FANCA: variants seen among roughly 807,000 people sequenced by gnomAD.
FANCA encodes the protein Fanconi anemia group A protein.
A neutral mutation model predicts 194.3 loss-of-function variants in FANCA; 236 were observed. The observed-to-expected ratio is 1.21, with a 90% CI of 1.09 to 1.35. The LOEUF is 1.35. Ranked by LOEUF, FANCA falls within the 40% of genes most tolerant of loss-of-function variation. The pLI is 0.00. For synonymous variants in FANCA, 1,014 were observed against 715.8 expected (o/e 1.42, Z -6.65); for missense variants, 2,628 against 1,813.9 (o/e 1.45, Z -8.15).
In FANCA at chr16:89,752,241, A is replaced by C; in HGVS notation, c.2982-19T>G. The C allele has an allele frequency of 6.2e-7, 1 of 1,603,354 alleles. No individual in the cohort carries two copies. Among genetic ancestry groups the C allele is most frequent in the Non-Finnish European group, 8.5e-7 (1 of 1,170,528 alleles). On this transcript the variant is annotated intron_variant, in intron 30 of 42. Coordinates refer to ENST00000389301, the MANE Select transcript of FANCA (RefSeq NM_000135.4). ...CCTTGAGCTGAAATGAAAATACAAT[A>C]AAATCCTCCTCAGTATCGCCTAATA...
At chr16:89,781,699 G>C (rs1291171102) in intron 17 of FANCA, among the ~76,000 whole-genome samples, 1 of 132,504 alleles carries the variant, frequency 7.5e-6, no homozygotes, top group Non-Finnish European at 1.6e-5. Flanking sequence ...AAAGTAAAAA[G>C]TAAAGAATGT....
At position 89,776,159 on chromosome 16, in the gene FANCA, CTT is replaced by C. The variant is rs3069458; in HGVS notation, c.1827-346_1827-345del. 3.9e-4 allele frequency among the ~76,000 whole-genome samples: 36 copies of C among 93,274 alleles called. 2 individuals are homozygous for C. The highest frequency in any genetic ancestry group is 6.5e-4 in the Non-Finnish European group (29 of 44,926). The allele number at this position is 93,274 out of a possible 152,430, so 61.2% of individuals were successfully genotyped here. On this transcript the variant is annotated intron_variant, in intron 20 of 42. Transcript: ENST00000389301. The stretch of plus-strand genomic sequence containing the variant: ...ATTCAAAACACGAATCTTTGTTTTT[CTT>C]TTTTTTTTTTTTTTTTTTTTTTTTG...
At chr16:89,804,051 A>C (rs2040549924) in intron 7 of FANCA, among the ~76,000 whole-genome samples, 1 of 152,166 alleles carries the variant, frequency 6.6e-6, no homozygotes, top group African/African-American at 2.4e-5. Flanking sequence ...TGGGGGAGGA[A>C]AGGCATTCTT....
At chr16:89,816,106 G>A in intron 1 of FANCA, 120 bp from the exon 2 acceptor site, 1 of 764,370 alleles carries the variant, frequency 1.3e-6, no homozygotes, top group Non-Finnish European at 2.3e-6. Flanking sequence ...AAGAGGGGCC[G>A]GGGCTCCTCC....
intron 20 of FANCA, among the ~76,000 whole-genome samples, chr16:89,777,036 T>C (rs1037570049): frequency 1.5e-4 from 23 of 151,720 alleles, no homozygotes; most frequent in Admixed American, 4.6e-4. Flanking sequence ...ACAGCGAAAA[T>C]CCGTGTCCTC....
chr16:89,767,626 G>A (rs1266525276), intron 26 of FANCA, among the ~76,000 whole-genome samples: 2 of 152,108 alleles, frequency 1.3e-5, no homozygotes, highest in Non-Finnish European at 2.9e-5. Flanking sequence ...TCGGCTCACT[G>A]CACCCTCCAC....
At chr16:89,792,113 T>C (rs1204561510) in intron 12 of FANCA, 45 bp from the exon 13 acceptor site, 5 of 1,613,306 alleles carry the variant, frequency 3.1e-6, no homozygotes, top group South Asian at 1.1e-5. Flanking sequence ...AGCAAACCAA[T>C]GTGCGACAGA....
intron 36 of FANCA, among the ~76,000 whole-genome samples, chr16:89,743,290 G>C (rs1051231213): frequency 7.9e-5 from 12 of 152,222 alleles, no homozygotes; most frequent in Non-Finnish European, 1.8e-4. Context: ...CTGTGGATCA[G>C]GCATTCCCTC....
At position 89,815,924 on chromosome 16, in the gene FANCA, C is replaced by A; in HGVS notation, c.142G>T (p.Val48Leu). 1 of 1,614,164 alleles carries A rather than the reference C, an allele frequency of 6.2e-7. No individual in the cohort carries two copies. Residue 48 changes from valine to leucine, a missense_variant, in exon 2 of 43, where the codon GTG becomes TTG. Physicochemically the swap from Val to Leu is conservative, Grantham distance 32. Transcript: ENST00000389301. ...TCCTGATGGCTTCGCAGGAGGCGCA[C>A]AGCTGATTCCTTTAATTTCTGTGCC... ...ERAQKLKESA[V>L]RLLRSHQDLN...
At chr16:89,775,958 C>CA (rs1384755406) in intron 20 of FANCA, 143 bp from the exon 21 acceptor site, 18 of 410,292 alleles carry the variant, frequency 4.4e-5, no homozygotes, top group East Asian at 2.6e-4. Context: ...CCTGTTTTTA[C>CA]AAAAAAATAT....
At chr16:89,802,900 G>A (rs990327147) in intron 8 of FANCA, among the ~76,000 whole-genome samples, 1 of 152,226 alleles carries the variant, frequency 6.6e-6, no homozygotes, top group African/African-American at 2.4e-5. Flanking sequence ...AAGGGTATAT[G>A]CAGTGGGGGA....
intron 5 of FANCA, among the ~76,000 whole-genome samples, chr16:89,809,740 C>A (rs2143668579): frequency 6.6e-6 from 1 of 152,144 alleles, no homozygotes; most frequent in East Asian, 1.9e-4. Flanking sequence ...GTAATCCCAG[C>A]TACTCGGGAG....
intron 17 of FANCA, 47 bp from the exon 18 acceptor site, chr16:89,780,004 A>T: frequency 6.4e-7 from 1 of 1,550,760 alleles, no homozygotes; most frequent in Non-Finnish European, 8.9e-7. Context: ...AGGACTTTAA[A>T]GAAAAGACTG....
In FANCA at chr16:89,752,063, C is replaced by T. The variant is rs542605291; in HGVS notation, c.3066+75G>A. The T allele has an allele frequency of 6.9e-5, 93 of 1,357,524 alleles. No homozygotes were observed. The African/African-American group carries it at 7.1e-4, about 10-fold the overall frequency. 84.1% of individuals were successfully genotyped at this position (1,357,524 alleles called of 1,614,324 possible). On this transcript the variant is annotated intron_variant, in intron 31 of 42. Transcript: ENST00000389301. ...GGGATTACAGGCGTGAGCCACCGCG[C>T]CTGGCAATAAATATCTTAATAGCAC... is the stretch of plus-strand genomic sequence containing the variant.
chr16:89,737,897 G>A lies in FANCA; in HGVS notation c.*704C>T, dbSNP rs543022451. The A allele has an allele frequency of 6.8e-6, 11 of 1,608,592 alleles. No individual in the cohort carries two copies. In the East Asian group the frequency reaches 2.0e-4, roughly 30 times the overall value. ...ACCAAATGCGACATTCGGGAGCCAA[G>A]CCTTTGCAGTAAGTGTGAGTCAGGA... On this transcript the variant is annotated 3_prime_UTR_variant, in exon 43 of 43. Transcript: ENST00000389301.
At chr16:89,814,638 C>T in intron 2 of FANCA, 25 bp from the exon 3 acceptor site, 1 of 1,575,294 alleles carries the variant, frequency 6.3e-7, no homozygotes, top group Non-Finnish European at 8.7e-7. Flanking sequence ...ACAACAAACT[C>T]CATTTAAAAA....
intron 30 of FANCA, among the ~76,000 whole-genome samples, chr16:89,756,358 G>A (rs553637502): frequency 2.0e-5 from 3 of 152,350 alleles, no homozygotes; most frequent in African/African-American, 7.2e-5. Flanking sequence ...AGGCCTGGCA[G>A]AGGTTCACGC....
intron 6 of FANCA, among the ~76,000 whole-genome samples, chr16:89,806,984 T>TC (rs1028945513): frequency 1.3e-5 from 2 of 151,834 alleles, no homozygotes; most frequent in African/African-American, 4.8e-5. Flanking sequence ...GGGGGCTGAC[T>TC]CCCCCACCTC....
intron 26 of FANCA, among the ~76,000 whole-genome samples, chr16:89,768,952 G>C (rs550489852): frequency 4.4e-4 from 67 of 152,090 alleles, no homozygotes; most frequent in Non-Finnish European, 7.6e-4. Context: ...AGTGGGGACT[G>C]TCTGGTGTGG....
Sources: gnomAD v4.1 joint callset for allele counts (sites outside exome capture counted in the v4.1 genomes callset) on GRCh38, gnomAD v4.1.1 for gene constraint, MANE v1.5 for transcripts, NCBI Gene and HGNC (gene_info 2026-07-23, HGNC 2026-07-21) for gene names.